EPB41L1: variants seen among roughly 807,000 people sequenced by gnomAD.
EPB41L1 encodes the protein band 4.1-like protein 1.
EPB41L1 carries 29 observed loss-of-function variants against 97.8 expected under a neutral mutation model. The ratio of observed to expected loss-of-function variants is 0.30; its 90% confidence interval spans 0.22 to 0.40. The LOEUF (loss-of-function observed/expected upper bound fraction) is 0.40, where lower values mean the gene tolerates loss of function less well. EPB41L1 is among the 10% of genes least tolerant of loss of function. EPB41L1 has a pLI of 1.00. For synonymous variants in EPB41L1, 383 were observed against 459.2 expected, an observed-to-expected ratio of 0.83 and a Z score of 2.12; for missense variants, 812 against 1,162.3, an observed-to-expected ratio of 0.70 and a Z score of 4.38.
chr20:36,137,610 C>T (rs1401554625), intron 2 of EPB41L1, among the ~76,000 whole-genome samples: 1 of 151,890 alleles, frequency 6.6e-6, no homozygotes, highest in East Asian at 1.9e-4. Flanking sequence ...CGGCAATCTC[C>T]GCCTCCTGGG....
In EPB41L1 at chr20:36,173,835, C is replaced by T; in HGVS notation, c.58C>T (p.Gln20Ter). 6.2e-7 allele frequency: 1 copy of T among 1,613,818 alleles called. No individual in the cohort carries two copies. Among genetic ancestry groups the T allele is most frequent in the Non-Finnish European group, 8.5e-7 (1 of 1,179,798 alleles). ...EVKKAQEEAP[Q>*]QPEAAAAVTT... is the part of the protein sequence containing the mutation. ...GAAGAAAGCTCAGGAGGAGGCCCCG[C>T]AGCAGCCCGAGGCTGCTGCCGCTGT... is the stretch of plus-strand genomic sequence containing the variant. The change falls in exon 2 of 22, where the codon CAG becomes TAG. Residue 20 changes from glutamine (Q) to a stop codon, truncating the protein, a stop_gained. Coordinates refer to ENST00000338074, the MANE Select transcript of EPB41L1 (RefSeq NM_012156.2). LOFTEE classifies it high-confidence loss of function.
At position 36,207,152 on chromosome 20, in the gene EPB41L1, C is replaced by T; in HGVS notation, c.1669-2336C>T. ...GAGGAAGCTTCTCCAAGCCCAACCTCCCATGGGTCAGGGGAGCCTTCGGAG... is the reference window on the plus strand; with the variant it reads ...GAGGAAGCTTCTCCAAGCCCAACCTTCCATGGGTCAGGGGAGCCTTCGGAG... On this transcript the variant is annotated intron_variant, in intron 14 of 21. Coordinates refer to ENST00000338074, the MANE Select transcript of EPB41L1 (RefSeq NM_012156.2). This position sits in a 1 kb window ranked among gnomAD's most constrained non-coding sequence, Gnocchi z 4.9. The T allele has an allele frequency of 1.6e-6, 2 of 1,289,560 alleles. No homozygotes were observed. The allele number at this position is 1,289,560 out of a possible 1,614,324, so 79.9% of individuals were successfully genotyped here.
At position 36,131,406 on chromosome 20, in the gene EPB41L1, A is replaced by T. The variant is rs528426565; in HGVS notation, c.-10+18926A>T. Among the ~76,000 whole-genome samples the T allele has an allele frequency of 7.9e-4, 120 of 152,254 alleles. 1 individual carries two copies. The highest frequency in any genetic ancestry group is 2.7e-3 in the African/African-American group (111 of 41,560). On this transcript the variant is annotated intron_variant, in intron 2 of 19. Transcript: ENST00000202028. ...ATTACAGGTGTGAGCCACCACACCC[A>T]GCCTGTTTTTTATTTCTCTTAGGTC...
At chr20:36,182,757 A>G (rs753389187) in intron 6 of EPB41L1, among the ~76,000 whole-genome samples, 3 of 152,270 alleles carry the variant, frequency 2.0e-5, no homozygotes, top group Non-Finnish European at 2.9e-5. Flanking sequence ...CTTTAAAAAA[A>G]CATAGCATGG....
In EPB41L1 at chr20:36,146,972, C is replaced by A. The variant is rs141971281; in HGVS notation, c.-9-28579C>A. 7.1e-3 allele frequency among the ~76,000 whole-genome samples: 1,078 copies of A among 151,910 alleles called. 12 individuals are homozygous for A. Among genetic ancestry groups the A allele is most frequent in the African/African-American group, 0.025 (1,017 of 41,418 alleles). ...GACCAGCCTAGGCAACATGGCAAAA[C>A]CCTATCTCTACAAAAAATATAAAAA... On this transcript the variant is annotated intron_variant, in intron 2 of 19. Coordinates refer to the EPB41L1 transcript ENST00000202028.
intron 1 of EPB41L1, among the ~76,000 whole-genome samples, chr20:36,108,168 CA>C (rs770119501): frequency 4.0e-5 from 6 of 151,750 alleles, no homozygotes; most frequent in Middle Eastern, 3.4e-3. Flanking sequence ...TTTGTAGAGA[CA>C]AGGTCTTGCT....
intron 2 of EPB41L1, among the ~76,000 whole-genome samples, chr20:36,124,499 A>C (rs1480824865): frequency 6.6e-6 from 1 of 151,966 alleles, no homozygotes; most frequent in Non-Finnish European, 1.5e-5. Context: ...CATTTAGCAA[A>C]TTTATTCCAG....
intron 2 of EPB41L1, among the ~76,000 whole-genome samples, chr20:36,123,352 T>C (rs11908098): frequency 0.021 from 3,126 of 152,274 alleles, 116 homozygotes; most frequent in African/African-American, 0.072. Flanking sequence ...ATTGTGTACT[T>C]TCGCTGCACC....
At chr20:36,115,305 A>G (rs2058549911) in intron 2 of EPB41L1, among the ~76,000 whole-genome samples, 1 of 152,202 alleles carries the variant, frequency 6.6e-6, no homozygotes, top group Non-Finnish European at 1.5e-5. Context: ...TCTGTTTGGT[A>G]GGCCAAGTGG....
Position 36,092,476 on chromosome 20 carries a change from G to A in EPB41L1, c.-65+864G>A, listed in dbSNP as rs1477264752. On this transcript the variant is annotated intron_variant, in intron 1 of 19. Coordinates refer to the EPB41L1 transcript ENST00000202028. The surrounding 1 kb of genome is among the most constrained non-coding windows in gnomAD (Gnocchi z 7.0). Reference sequence around the variant, plus strand: ...CTCCCCTCCCCGGGACCGGCGCGCGGCCCCAGCTCCGGCGGCTCCGGCGGC... The same window carrying A: ...CTCCCCTCCCCGGGACCGGCGCGCGACCCCAGCTCCGGCGGCTCCGGCGGC... Among the ~76,000 whole-genome samples the A allele has an allele frequency of 6.6e-6, 1 of 151,948 alleles. No homozygotes were observed. The highest frequency in any genetic ancestry group is 2.4e-5 in the African/African-American group (1 of 41,396).
chr20:36,168,191 A>C (rs2060819783), intron 1 of EPB41L1, among the ~76,000 whole-genome samples: 1 of 152,204 alleles, frequency 6.6e-6, no homozygotes, highest in South Asian at 2.1e-4. Flanking sequence ...GAAGAGGGTC[A>C]GATGCTGACA....
chr20:36,196,398 G>A (rs1418560537), intron 13 of EPB41L1, among the ~76,000 whole-genome samples: 1 of 152,210 alleles, frequency 6.6e-6, no homozygotes, highest in Non-Finnish European at 1.5e-5. Flanking sequence ...TGTGATGGAA[G>A]ACGACAAGCC....
intron 14 of EPB41L1, among the ~76,000 whole-genome samples, chr20:36,202,470 G>T (rs1294080172): frequency 6.6e-6 from 1 of 151,936 alleles, no homozygotes; most frequent in Admixed American, 6.6e-5. Context: ...TTTCTGGAGG[G>T]CCCCTTACCC....
upstream of EPB41L1, among the ~76,000 whole-genome samples, chr20:36,153,255 G>A (rs544828982): frequency 7.2e-5 from 11 of 152,060 alleles, no homozygotes; most frequent in Non-Finnish European, 1.5e-4. Flanking sequence ...TCACCATGAT[G>A]GAGCAGCACA....
chr20:36,169,518 C>T lies in EPB41L1; in HGVS notation c.-14-4246C>T, dbSNP rs73902990. ...TGACTCCCAGCAAGGCTCCCAGCTC[C>T]GTCACTCCTCCCAAGCTCCAACCAG... On this transcript the variant is annotated intron_variant, in intron 1 of 21. Transcript: ENST00000338074. Among the ~76,000 whole-genome samples the T allele has an allele frequency of 3.4e-3, 525 of 152,238 alleles. 3 individuals carry two copies. The highest frequency in any genetic ancestry group is 0.012 in the African/African-American group (503 of 41,518).
Position 36,229,670 on chromosome 20 carries a change from C to A in EPB41L1, c.*330C>A. On this transcript the variant is annotated 3_prime_UTR_variant, in exon 22 of 22. Transcript: ENST00000338074. Reference sequence around the variant, plus strand: ...TTCAAGAAAAAAAATTATATAATAACTATAATCCCTTGCTCACCCCTTTCC... The same window carrying A: ...TTCAAGAAAAAAAATTATATAATAAATATAATCCCTTGCTCACCCCTTTCC... 8.9e-6 allele frequency: 2 copies of A among 224,064 alleles called. No individual in the cohort carries two copies. The highest frequency in any genetic ancestry group is 2.3e-5 in the African/African-American group (1 of 43,750). 13.9% of individuals were successfully genotyped at this position (224,064 alleles called of 1,614,324 possible). A position where few individuals can be genotyped will look rare whatever the true frequency, so the allele number is the denominator to read the frequency against.
chr20:36,193,703 A>G (rs2062061429), intron 11 of EPB41L1, among the ~76,000 whole-genome samples: 1 of 152,224 alleles, frequency 6.6e-6, no homozygotes, highest in Non-Finnish European at 1.5e-5. Context: ...TCACTAGTAA[A>G]GCTAGTCTCA....
intron 6 of EPB41L1, among the ~76,000 whole-genome samples, chr20:36,184,315 T>C (rs1000305776): frequency 6.6e-6 from 1 of 152,110 alleles, no homozygotes; most frequent in East Asian, 1.9e-4. Context: ...GAGGCATCGT[T>C]GGCTAAAAAT....
intron 5 of EPB41L1, among the ~76,000 whole-genome samples, chr20:36,180,218 C>T (rs1289154676): frequency 2.0e-5 from 3 of 152,222 alleles, no homozygotes; most frequent in Non-Finnish European, 2.9e-5. Flanking sequence ...AGCCATTTAT[C>T]CTCATCCTAC....
Sources: gnomAD v4.1 joint callset for allele counts (sites outside exome capture counted in the v4.1 genomes callset) on GRCh38, gnomAD v4.1.1 for gene constraint, Gnocchi (gnomAD v3.1) non-coding constraint, MANE v1.5 for transcripts, NCBI Gene and HGNC (gene_info 2026-07-23, HGNC 2026-07-21) for gene names.